EPHB1: variants seen among roughly 807,000 people sequenced by gnomAD.
EPHB1 encodes the protein EPH receptor B1.
In EPHB1, 30 loss-of-function variants were observed where a neutral mutation model predicts 94.4. The ratio of observed to expected loss-of-function variants is 0.32; its 90% CI spans 0.24 to 0.43. The LOEUF is 0.43. Among genes scored for constraint, EPHB1 ranks in the 20% least tolerant of loss-of-function variants. The pLI, the probability that EPHB1 is intolerant of heterozygous loss-of-function variation, is 1.00. For synonymous variants in EPHB1, 522 were observed against 489.1 expected, an observed-to-expected ratio of 1.07 and a Z score of -0.89; for missense variants, 1,055 against 1,308.3, an observed-to-expected ratio of 0.81 and a Z score of 2.99.
chr3:134,962,491 C>G (rs1343236082), intron 3 of EPHB1, among the ~76,000 whole-genome samples: 1 of 152,170 alleles, frequency 6.6e-6, no homozygotes, highest in Non-Finnish European at 1.5e-5. Flanking sequence ...TGGGACAGGA[C>G]AAGTGCAGGT....
chr3:135,103,112 T>G (rs1939090944), intron 3 of EPHB1, among the ~76,000 whole-genome samples: 1 of 151,896 alleles, frequency 6.6e-6, no homozygotes, highest in Non-Finnish European at 1.5e-5. Context: ...CTGCACGTTC[T>G]GCACATGTAT....
chr3:134,891,666 A>G (rs1423047147), intron 1 of EPHB1, among the ~76,000 whole-genome samples: 3 of 152,230 alleles, frequency 2.0e-5, no homozygotes, highest in Non-Finnish European at 2.9e-5. Context: ...TTGCCTTATA[A>G]TAAATTTTAC....
intron 3 of EPHB1, among the ~76,000 whole-genome samples, chr3:135,027,366 C>T (rs1309545693): frequency 1.1e-4 from 16 of 145,572 alleles, no homozygotes; most frequent in Admixed American, 7.5e-4. Flanking sequence ...ATAGATAGCT[C>T]TTATTATTTT....
At chr3:135,030,986 C>A (rs746029523) in intron 3 of EPHB1, among the ~76,000 whole-genome samples, 2 of 152,190 alleles carry the variant, frequency 1.3e-5, no homozygotes, top group Non-Finnish European at 2.9e-5. Flanking sequence ...ACCCTATTCT[C>A]CAGGTGCCGT....
At chr3:135,080,988 C>T (rs991922980) in intron 3 of EPHB1, among the ~76,000 whole-genome samples, 14 of 152,200 alleles carry the variant, frequency 9.2e-5, no homozygotes, top group African/African-American at 3.1e-4. Flanking sequence ...ACTGAATATT[C>T]ACCACTGCCT....
intron 3 of EPHB1, among the ~76,000 whole-genome samples, chr3:135,093,304 C>T (rs980871770): frequency 6.6e-6 from 1 of 152,186 alleles, no homozygotes; most frequent in African/African-American, 2.4e-5. Flanking sequence ...CAGGCCACTC[C>T]CCGCACTCCA....
chr3:135,094,899 C>T (rs1938703309), intron 3 of EPHB1, among the ~76,000 whole-genome samples: 1 of 152,218 alleles, frequency 6.6e-6, no homozygotes, highest in African/African-American at 2.4e-5. Context: ...CCAGAAGGCT[C>T]TTCTGGCCAC....
At chr3:134,930,624 G>T (rs547746379) in intron 2 of EPHB1, among the ~76,000 whole-genome samples, 20 of 152,314 alleles carry the variant, frequency 1.3e-4, no homozygotes, top group South Asian at 4.1e-4. Flanking sequence ...AACAGTCAGC[G>T]CTGTGCCCAA....
chr3:134,928,186 C>T (rs1411445574), intron 2 of EPHB1, among the ~76,000 whole-genome samples: 1 of 152,210 alleles, frequency 6.6e-6, no homozygotes, highest in Non-Finnish European at 1.5e-5. Flanking sequence ...AATCTTAGCA[C>T]ATTTATAAAG....
In EPHB1 at chr3:135,052,104, G is replaced by T. The variant is rs1479801925; in HGVS notation, c.806-54344G>T. On this transcript the variant is annotated intron_variant, in intron 3 of 15. Transcript: ENST00000398015. ...AGGAAAGCAAGATTTGGCTCTATTTGAGCATTTAGAGAAAAAATTCCAGAC... is the reference window on the plus strand; with the variant it reads ...AGGAAAGCAAGATTTGGCTCTATTTTAGCATTTAGAGAAAAAATTCCAGAC... 2.0e-5 allele frequency among the ~76,000 whole-genome samples: 3 copies of T among 152,174 alleles called. No individual in the cohort carries two copies. The South Asian group carries it at 6.2e-4, about 32-fold the overall frequency.
intron 3 of EPHB1, among the ~76,000 whole-genome samples, chr3:135,013,732 T>G (rs1037895048): frequency 2.6e-5 from 4 of 152,228 alleles, no homozygotes; most frequent in Non-Finnish European, 4.4e-5. Flanking sequence ...CCTCCCTTGG[T>G]AACCAGAGGC....
intron 3 of EPHB1, among the ~76,000 whole-genome samples, chr3:134,999,948 C>T (rs1313864771): frequency 6.6e-6 from 1 of 152,180 alleles, no homozygotes; most frequent in Non-Finnish European, 1.5e-5. Flanking sequence ...CTTCTGTCTC[C>T]AAAGATGTTA....
rs1940467779 is a variant in EPHB1 at position 135,132,859 on chromosome 3, C to T, written c.1107C>T (p.Ser369=). ...ICKKCRADRR[S]CSRCDDNVEF... is the part of the protein sequence containing the mutation. The stretch of plus-strand genomic sequence containing the variant: ...AAAAGTGCCGGGCAGACCGCCGGAG[C>T]TGCTCCCGCTGTGACGACAATGTGG... Residue 369 remains serine (S), a synonymous_variant, in exon 5 of 16, where the codon AGC becomes AGT. Transcript: ENST00000398015. The T allele has an allele frequency of 6.2e-7, 1 of 1,614,070 alleles. No individual in the cohort carries two copies. The highest frequency in any genetic ancestry group is 8.5e-7 in the Non-Finnish European group (1 of 1,179,910).
intron 13 of EPHB1, among the ~76,000 whole-genome samples, chr3:135,245,283 G>T (rs1943891211): frequency 6.6e-6 from 1 of 152,134 alleles, no homozygotes; most frequent in Admixed American, 6.5e-5. Flanking sequence ...CAGGAAGTCA[G>T]GTGACTCTCC....
chr3:135,121,398 G>A (rs1285992285), intron 4 of EPHB1, among the ~76,000 whole-genome samples: 1 of 152,214 alleles, frequency 6.6e-6, no homozygotes, highest in Non-Finnish European at 1.5e-5. Flanking sequence ...GGGCCTGAGT[G>A]CATCAATTAG....
At chr3:134,814,453 G>T (rs1220647052) in intron 1 of EPHB1, among the ~76,000 whole-genome samples, 1 of 152,172 alleles carries the variant, frequency 6.6e-6, no homozygotes, top group Non-Finnish European at 1.5e-5. Flanking sequence ...CAGGGGCTCG[G>T]TGATGTAGGA....
intron 1 of EPHB1, chr3:134,852,524 C>T (rs2037010113): frequency 6.6e-6 from 1 of 152,086 alleles, no homozygotes; most frequent in South Asian, 2.1e-4. Context: ...TAGGTGCATC[C>T]AACTGCAACA....
At chr3:134,873,077 G>A (rs1044318503) in intron 1 of EPHB1, among the ~76,000 whole-genome samples, 2 of 152,160 alleles carry the variant, frequency 1.3e-5, no homozygotes, top group African/African-American at 4.8e-5. Flanking sequence ...TCTCAGCATA[G>A]ACTCTTAAAC....
intron 1 of EPHB1, among the ~76,000 whole-genome samples, chr3:134,865,154 A>G (rs2037348134): frequency 1.3e-5 from 2 of 152,320 alleles, no homozygotes; most frequent in South Asian, 4.1e-4. Context: ...TATCTGAAAC[A>G]AAATTCCCAA....
Sources: gnomAD v4.1 joint callset for allele counts (sites outside exome capture counted in the v4.1 genomes callset) on GRCh38, gnomAD v4.1.1 for gene constraint, MANE v1.5 for transcripts, NCBI Gene and HGNC (gene_info 2026-07-23, HGNC 2026-07-21) for gene names.